The following CHRDL2 variants were observed in gnomAD, a reference collection of about 807,000 sequenced individuals.
The protein encoded by CHRDL2 is chordin-like protein 2.
CHRDL2 carries 41 observed loss-of-function variants against 54.3 expected under a neutral mutation model. The observed-to-expected ratio is 0.76, with a 90% confidence interval of 0.59 to 0.98. The LOEUF (loss-of-function observed/expected upper bound fraction) is 0.98, where lower values mean the gene tolerates loss of function less well. Ranked by LOEUF, CHRDL2 falls within the 50% of genes least tolerant of loss-of-function variation. The pLI, the probability that CHRDL2 is intolerant of heterozygous loss-of-function variation, is 0.00. For synonymous variants in CHRDL2, 220 were observed against 224.3 expected (o/e 0.98, Z 0.17); for missense variants, 518 against 562.4 (o/e 0.92, Z 0.80).
intron 2 of CHRDL2, among the ~76,000 whole-genome samples, chr11:74,714,865 C>T (rs1278992120): frequency 6.6e-6 from 1 of 152,122 alleles, no homozygotes; most frequent in Non-Finnish European, 1.5e-5. Flanking sequence ...AGGATGGAGA[C>T]AGGTTAGCGG....
intron 9 of CHRDL2, among the ~76,000 whole-genome samples, chr11:74,700,643 A>ATTAT (rs1554984229): frequency 0.068 from 9,236 of 135,738 alleles, 391 homozygotes; most frequent in Middle Eastern, 0.11. Flanking sequence ...TATTATTATT[A>ATTAT]TTTTTTTTTT....
intron 1 of CHRDL2, among the ~76,000 whole-genome samples, chr11:74,728,000 G>C (rs1320173636): frequency 6.6e-6 from 1 of 152,156 alleles, no homozygotes; most frequent in Non-Finnish European, 1.5e-5. Context: ...GACCCAGCCT[G>C]GGTAAGGGGT....
At chr11:74,697,485 A>G (rs914190624) in intron 9 of CHRDL2, 188 bp from the exon 10 acceptor site, 11 of 599,062 alleles carry the variant, frequency 1.8e-5, no homozygotes, top group East Asian at 2.9e-5. Flanking sequence ...CTCTGCCACT[A>G]TCCTCACTCA....
intron 2 of CHRDL2, among the ~76,000 whole-genome samples, chr11:74,717,113 A>G (rs474563): frequency 1.3e-5 from 2 of 149,570 alleles, no homozygotes; most frequent in African/African-American, 5.0e-5. Context: ...AACAAACAAA[A>G]AAAAAAAACC....
chr11:74,698,059 T>C (rs1282505924), intron 9 of CHRDL2, among the ~76,000 whole-genome samples: 1 of 90,580 alleles, frequency 1.1e-5, no homozygotes, highest in Non-Finnish European at 2.4e-5. Flanking sequence ...CTATTTCTAC[T>C]TTTTTTTCTT....
At position 74,705,677 on chromosome 11, in the gene CHRDL2, G is replaced by A. The variant is rs1244884735; in HGVS notation, c.582+810C>T. On this transcript the variant is annotated intron_variant, in intron 6 of 10. Coordinates refer to ENST00000376332, the MANE Select transcript of CHRDL2 (RefSeq NM_001278473.3). Reference sequence around the variant, plus strand: ...CCTGGGTGGGTTTCACTTACGCACTGCCTCCTAGGAAGAGGACAGGAAGGA... The same window carrying A: ...CCTGGGTGGGTTTCACTTACGCACTACCTCCTAGGAAGAGGACAGGAAGGA... Among the ~76,000 whole-genome samples, 3 of 152,148 alleles carry A rather than the reference G, an allele frequency of 2.0e-5. No individual in the cohort carries two copies. The East Asian group carries it at 5.8e-4, about 29-fold the overall frequency.
chr11:74,698,632 TGGATGGA>T (rs2033686252), intron 9 of CHRDL2: 1 of 64,596 alleles, frequency 1.5e-5, no homozygotes, highest in African/African-American at 4.3e-5. Flanking sequence ...AATGAATCCC[TGGATGGA>T]TGGATGGATG....
At chr11:74,720,479 T>C (rs992178965) in intron 1 of CHRDL2, 1 of 152,870 alleles carries the variant, frequency 6.5e-6, no homozygotes. Context: ...TGTGGCTTTT[T>C]ACACAATTCC....
chr11:74,713,266 G>T, intron 3 of CHRDL2, 120 bp downstream of exon 3: 2 of 813,720 alleles, frequency 2.5e-6, no homozygotes, highest in Non-Finnish European at 2.0e-6. Context: ...ACCTTTGTGT[G>T]TCTACACCTC....
intron 4 of CHRDL2, 25 bp downstream of exon 4, chr11:74,710,824 C>T (rs2034165019): frequency 3.7e-6 from 6 of 1,612,566 alleles, no homozygotes; most frequent in East Asian, 2.2e-5. Context: ...CTGGCCTGTG[C>T]TGAAGGGAAG....
intron 6 of CHRDL2, among the ~76,000 whole-genome samples, chr11:74,704,936 T>A (rs915354493): frequency 3.3e-5 from 5 of 151,992 alleles, no homozygotes; most frequent in African/African-American, 1.2e-4. Flanking sequence ...GGGGTTGGGG[T>A]GGGCAGAGGG....
At position 74,706,495 on chromosome 11, in the gene CHRDL2, G is replaced by A. The variant is rs200410599; in HGVS notation, c.574C>T (p.His192Tyr). 17 of 1,614,028 alleles carry A rather than the reference G, an allele frequency of 1.1e-5. No individual in the cohort carries two copies. In the East Asian group the frequency reaches 3.8e-4, roughly 36 times the overall value. ...TAAGGCCGTGCACTCACCACCCCAT[G>A]GAGCGACTGCACACTGTCCTCTTCA... ...SDEEDSVQSL[H>Y]GVRHPQDPCS... is the part of the protein sequence containing the mutation. Residue 192 changes from histidine (H) to tyrosine (Y), a missense_variant, in exon 6 of 11, where the codon CAT becomes TAT. Physicochemically the swap from His to Tyr is moderately conservative, Grantham distance 83. Coordinates refer to ENST00000376332, the MANE Select transcript of CHRDL2 (RefSeq NM_001278473.3).
chr11:74,713,352 T>C, intron 3 of CHRDL2, 34 bp downstream of exon 3: 1 of 1,579,776 alleles, frequency 6.3e-7, no homozygotes, highest in East Asian at 2.2e-5. Context: ...AGGAGAAAGG[T>C]CCATGGACGA....
In CHRDL2 at chr11:74,703,511, G is replaced by A. The variant is rs1375682032; in HGVS notation, c.752-12C>T. On this transcript the variant is annotated splice_polypyrimidine_tract_variant and intron_variant, in intron 7 of 10. Transcript: ENST00000376332. ...GCCATGCACACAGGCTGAATAAGGA[G>A]GGTGAGAAGGAAGGAGGATCAGGGC... is the stretch of plus-strand genomic sequence containing the variant. The A allele has an allele frequency of 2.6e-6, 4 of 1,563,514 alleles. No homozygotes were observed. Among genetic ancestry groups the A allele is most frequent in the Non-Finnish European group, 3.5e-6 (4 of 1,149,578 alleles).
rs1591355691 is a variant in CHRDL2, at chr11:74,706,636, C to T, written c.527-94G>A. ...TCCACCTATAGGCTCTGTCCATTCCCAAGGCCTGCTGTCCCATCTGCAGCC... is the reference window on the plus strand; with the variant it reads ...TCCACCTATAGGCTCTGTCCATTCCTAAGGCCTGCTGTCCCATCTGCAGCC... On this transcript the variant is annotated intron_variant, in intron 5 of 10. Transcript: ENST00000376332. The T allele has an allele frequency of 5.8e-6, 7 of 1,206,752 alleles. No individual in the cohort carries two copies. In the East Asian group the frequency reaches 1.6e-4, roughly 28 times the overall value. The allele number at this position is 1,206,752 out of a possible 1,614,324, so 74.8% of individuals were successfully genotyped here. A position where few individuals can be genotyped will look rare whatever the true frequency, so the allele number is the denominator to read the frequency against.
At position 74,704,486 on chromosome 11, in the gene CHRDL2, C is replaced by T. The variant is rs140714020; in HGVS notation, c.751G>A (p.Ala251Thr). 2 of 1,585,294 alleles carry T rather than the reference C, an allele frequency of 1.3e-6. No homozygotes were observed. The highest frequency in any genetic ancestry group is 1.7e-6 in the Non-Finnish European group (2 of 1,170,004). Residue 251 changes from alanine (A) to threonine (T), a missense_variant and splice_region_variant, in exon 7 of 11, where the codon GCC becomes ACC. By Grantham distance (58) the Ala-to-Thr change is moderately conservative. Transcript: ENST00000376332. ...GATTGGAGGAGGGTCCAGTCCCCAC[C>T]TTTCTTATGTTTCTCCTTCAGGACG... ...KIVLKEKHKK[A>T]CVHGGKTYSH... is the part of the protein sequence containing the mutation.
intron 9 of CHRDL2, chr11:74,697,606 C>T (rs1015446175): frequency 1.2e-5 from 6 of 489,904 alleles, no homozygotes; most frequent in African/African-American, 1.2e-4. Flanking sequence ...GTCACCCTGT[C>T]ATTCCCCTTC....
chr11:74,715,538 G>A (rs147208164), intron 2 of CHRDL2, among the ~76,000 whole-genome samples: 118 of 151,982 alleles, frequency 7.8e-4, no homozygotes, highest in African/African-American at 2.6e-3. Flanking sequence ...GGGAGGCAGA[G>A]GTTACAGTGA....
At chr11:74,708,221 C>T in intron 5 of CHRDL2, 81 bp downstream of exon 5, 1 of 990,172 alleles carries the variant, frequency 1.0e-6, no homozygotes, top group Non-Finnish European at 1.4e-6. Flanking sequence ...ACCTGCAGTT[C>T]CTCACGGCTC....
Sources: allele counts gnomAD v4.1 joint callset (sites outside exome capture counted in the v4.1 genomes callset), GRCh38; gene constraint gnomAD v4.1.1; transcripts MANE v1.5; gene names NCBI Gene and HGNC (gene_info 2026-07-23, HGNC 2026-07-21).